CACHD1: variants seen among roughly 807,000 people sequenced by gnomAD.
The protein encoded by CACHD1 is VWFA and cache domain-containing protein 1.
Under a neutral mutation model 138.7 loss-of-function variants are expected in CACHD1, and 71 were observed. The ratio of observed to expected loss-of-function variants is 0.51; its 90% CI spans 0.42 to 0.62. The LOEUF (loss-of-function observed/expected upper bound fraction) is 0.62, where lower values mean the gene tolerates loss of function less well. Ranked by LOEUF, CACHD1 falls within the 20% of genes least tolerant of loss-of-function variation. CACHD1 has a pLI of 0.00. For missense variants in CACHD1, 1,389 were observed against 1,625.3 expected (o/e 0.85, Z 2.50); for synonymous variants, 578 against 591.5 (o/e 0.98, Z 0.33).
chr1:64,552,577 G>C (rs985507966), intron 2 of CACHD1, among the ~76,000 whole-genome samples: 1 of 150,280 alleles, frequency 6.7e-6, no homozygotes, highest in Non-Finnish European at 1.5e-5. Context: ...TTGATCAAGT[G>C]ATCCTCCCAT....
intron 1 of CACHD1, among the ~76,000 whole-genome samples, chr1:64,474,123 C>T (rs1398649089): frequency 1.3e-5 from 2 of 152,218 alleles, no homozygotes; most frequent in East Asian, 3.9e-4. Context: ...ACCAATTTTG[C>T]CAGTACTCTG....
chr1:64,587,585 G>A (rs562945414), intron 3 of CACHD1, among the ~76,000 whole-genome samples: 3 of 152,302 alleles, frequency 2.0e-5, no homozygotes, highest in Admixed American at 1.3e-4. Flanking sequence ...CTCTGTCAAT[G>A]TTTGTTGTTG....
At chr1:64,635,193 A>T (rs190544378) in intron 7 of CACHD1, among the ~76,000 whole-genome samples, 2 of 151,722 alleles carry the variant, frequency 1.3e-5, no homozygotes, top group Non-Finnish European at 2.9e-5. Flanking sequence ...GTCCCAAGGG[A>T]ATCTCCACAT....
chr1:64,627,213 C>T (rs1355028726), intron 4 of CACHD1, among the ~76,000 whole-genome samples: 5 of 151,982 alleles, frequency 3.3e-5, no homozygotes, highest in Admixed American at 3.3e-4. Context: ...TTGAGGCCAG[C>T]CTGGGCAACA....
At chr1:64,508,295 C>T (rs1557467214) in intron 1 of CACHD1, among the ~76,000 whole-genome samples, 1 of 152,172 alleles carries the variant, frequency 6.6e-6, no homozygotes, top group Non-Finnish European at 1.5e-5. Flanking sequence ...AAATCCAAAC[C>T]ATATCACCTT....
intron 6 of CACHD1, among the ~76,000 whole-genome samples, chr1:64,633,108 C>T (rs990877841): frequency 6.6e-6 from 1 of 152,206 alleles, no homozygotes; most frequent in Non-Finnish European, 1.5e-5. Context: ...GGAGCTGCGG[C>T]TCGCTGCCAT....
chr1:64,584,464 T>A (rs1349517204), intron 3 of CACHD1, among the ~76,000 whole-genome samples: 2 of 152,190 alleles, frequency 1.3e-5, no homozygotes, highest in African/African-American at 4.8e-5. Flanking sequence ...ACCCAGTCAC[T>A]TGCCCACCTG....
intron 3 of CACHD1, among the ~76,000 whole-genome samples, chr1:64,594,694 C>T (rs1243157325): frequency 6.6e-6 from 1 of 152,176 alleles, no homozygotes; most frequent in Admixed American, 6.5e-5. Context: ...TCACCAGCTG[C>T]CTTTTATGGA....
intron 12 of CACHD1, among the ~76,000 whole-genome samples, chr1:64,658,411 C>CA (rs1570458669): frequency 6.6e-6 from 1 of 151,950 alleles, no homozygotes; most frequent in African/African-American, 2.4e-5. Context: ...CCCACATTAG[C>CA]AAAAAAAGAC....
intron 13 of CACHD1, among the ~76,000 whole-genome samples, chr1:64,660,508 C>T (rs1649405938): frequency 6.6e-6 from 1 of 151,510 alleles, no homozygotes; most frequent in South Asian, 2.1e-4. Context: ...TTTAATACTA[C>T]TTTTTGCTTT....
At chr1:64,537,040 C>T (rs1372836264) in intron 1 of CACHD1, among the ~76,000 whole-genome samples, 1 of 152,158 alleles carries the variant, frequency 6.6e-6, no homozygotes, top group Non-Finnish European at 1.5e-5. Context: ...CACTAGACTG[C>T]CTCTCTAGGT....
intron 1 of CACHD1, among the ~76,000 whole-genome samples, chr1:64,533,233 A>C (rs893652299): frequency 1.3e-5 from 2 of 152,142 alleles, no homozygotes; most frequent in African/African-American, 4.8e-5. Flanking sequence ...GTGCAGGCCT[A>C]TAGCCCCAGC....
At chr1:64,614,003 C>T (rs1051405434) in intron 4 of CACHD1, among the ~76,000 whole-genome samples, 4 of 152,196 alleles carry the variant, frequency 2.6e-5, no homozygotes, top group Non-Finnish European at 5.9e-5. Context: ...AGTCTGGGTT[C>T]CCTGTCATAT....
chr1:64,678,635 G>A (rs1043734109), intron 23 of CACHD1, among the ~76,000 whole-genome samples: 1 of 152,160 alleles, frequency 6.6e-6, no homozygotes, highest in Non-Finnish European at 1.5e-5. Context: ...AGAAGCACAG[G>A]GCCGTGTACG....
rs563960129 is a variant in CACHD1, at chr1:64,633,162, C to G, written c.789+419C>G. 4.5e-4 allele frequency among the ~76,000 whole-genome samples: 68 copies of G among 152,308 alleles called. 1 individual carries two copies. The South Asian group carries it at 0.014, about 31-fold the overall frequency. On this transcript the variant is annotated intron_variant, in intron 6 of 26. Coordinates refer to ENST00000651257, the MANE Select transcript of CACHD1 (RefSeq NM_020925.4). ...AGTATCAGGAGCCTGGGAAAAGATC[C>G]AAAATTGAAAGTACAGCTTCACTGC...
At chr1:64,564,760 G>A (rs961665923) in intron 2 of CACHD1, among the ~76,000 whole-genome samples, 1 of 152,124 alleles carries the variant, frequency 6.6e-6, no homozygotes, top group Non-Finnish European at 1.5e-5. Flanking sequence ...GCTAGTAGAA[G>A]CTTTTAATAG....
chr1:64,605,263 C>T (rs1647302984), intron 4 of CACHD1, among the ~76,000 whole-genome samples: 1 of 152,050 alleles, frequency 6.6e-6, no homozygotes, highest in Non-Finnish European at 1.5e-5. Context: ...CCGTGCCTAC[C>T]AAGATTTAAG....
chr1:64,526,773 T>C (rs1646542310), intron 1 of CACHD1, among the ~76,000 whole-genome samples: 1 of 152,260 alleles, frequency 6.6e-6, no homozygotes, highest in African/African-American at 2.4e-5. Context: ...CAGCTCTTGC[T>C]GGGGTCATTT....
At chr1:64,600,762 A>T (rs1647204227) in intron 3 of CACHD1, among the ~76,000 whole-genome samples, 1 of 152,246 alleles carries the variant, frequency 6.6e-6, no homozygotes, top group African/African-American at 2.4e-5. Flanking sequence ...GAGGCAGTTG[A>T]CATAGACTTG....
Sources: allele counts gnomAD v4.1 joint callset (sites outside exome capture counted in the v4.1 genomes callset), GRCh38; gene constraint gnomAD v4.1.1; transcripts MANE v1.5; gene names NCBI Gene and HGNC (gene_info 2026-07-23, HGNC 2026-07-21).